Variants in ADAM32 observed in about 807,000 individuals in gnomAD.
ADAM32 encodes disintegrin and metalloproteinase domain-containing protein 32.
ADAM32 carries 89 observed loss-of-function variants against 114.9 expected under a neutral mutation model. The ratio of observed to expected loss-of-function variants is 0.77; its 90% CI spans 0.65 to 0.92. ADAM32 has a LOEUF of 0.92. ADAM32 is among the 40% of genes least tolerant of loss of function. ADAM32 has a pLI of 0.00. For synonymous variants in ADAM32, 285 were observed against 307.5 expected, an observed-to-expected ratio of 0.93 and a Z score of 0.77; for missense variants, 870 against 932.8, an observed-to-expected ratio of 0.93 and a Z score of 0.88.
chr8:39,232,029 T>C lies in ADAM32; in HGVS notation c.1528T>C (p.Ser510Pro). 6.2e-7 allele frequency: 1 copy of C among 1,607,972 alleles called. No homozygotes were observed. The highest frequency in any genetic ancestry group is 2.2e-5 in the East Asian group (1 of 44,752). ...ARCESVFGKG[S>P]RNAPFACYEE... The stretch of plus-strand genomic sequence containing the variant: ...AAATGTATTTCTAACTTTAACAGGT[T>C]CAAGAAATGCTCCATTTGCCTGCTA... The change falls in exon 15 of 25, where the codon TCA becomes CCA. Residue 510 changes from serine (S) to proline (P), a missense_variant and splice_region_variant. By Grantham distance (74) the Ser-to-Pro change is moderately conservative (BLOSUM62 -1). Coordinates refer to ENST00000379907, the MANE Select transcript of ADAM32 (RefSeq NM_145004.7).
At chr8:39,283,802 C>G (rs1033118849) in intron 24 of ADAM32, among the ~76,000 whole-genome samples, 178 bp downstream of exon 24, 12 of 123,544 alleles carry the variant, frequency 9.7e-5, no homozygotes, top group Non-Finnish European at 1.6e-4. Context: ...AAGACAGAGT[C>G]TTGCTCTGTC....
intron 17 of ADAM32, among the ~76,000 whole-genome samples, chr8:39,252,733 A>G (rs1259546927): frequency 3.3e-5 from 5 of 151,632 alleles, no homozygotes; most frequent in African/African-American, 1.2e-4. Context: ...GAAGGAGCAG[A>G]TATTACAACT....
intron 19 of ADAM32, among the ~76,000 whole-genome samples, chr8:39,266,898 T>A (rs1340089805): frequency 6.6e-6 from 1 of 152,192 alleles, no homozygotes; most frequent in African/African-American, 2.4e-5. Flanking sequence ...TGGCTTCATT[T>A]CTGGATGCTT....
chr8:39,257,418 G>A, intron 19 of ADAM32, 75 bp downstream of exon 19: 1 of 1,512,694 alleles, frequency 6.6e-7, no homozygotes. Context: ...AATATCACGA[G>A]CAGTAGCAAT....
rs113848500 is a variant in ADAM32 at position 39,241,975 on chromosome 8, C to T, written c.1819-4108C>T. Among the ~76,000 whole-genome samples, 13 of 152,282 alleles carry T rather than the reference C, an allele frequency of 8.5e-5. 1 individual carries two copies. The highest frequency in any genetic ancestry group is 2.4e-4 in the African/African-American group (10 of 41,552). On this transcript the variant is annotated intron_variant, in intron 16 of 24. Coordinates refer to ENST00000379907, the MANE Select transcript of ADAM32 (RefSeq NM_145004.7). ...TTAAAACTGAATGCCTTTAATAGCACCCAAGTCACCTCTTGAATGCTTTGC... is the reference window on the plus strand; with the variant it reads ...TTAAAACTGAATGCCTTTAATAGCATCCAAGTCACCTCTTGAATGCTTTGC...
At chr8:39,243,865 GATC>G (rs1810724663) in intron 16 of ADAM32, among the ~76,000 whole-genome samples, 1 of 151,992 alleles carries the variant, frequency 6.6e-6, no homozygotes, top group Non-Finnish European at 1.5e-5. Context: ...CCAATGATAT[GATC>G]ATATACCTTG....
chr8:39,140,543 G>A (rs993024259), intron 3 of ADAM32, among the ~76,000 whole-genome samples: 2 of 152,178 alleles, frequency 1.3e-5, no homozygotes, highest in Non-Finnish European at 2.9e-5. Flanking sequence ...TGTGCTGCTG[G>A]ATTCAGTTTG....
chr8:39,114,149 C>G (rs976495855), intron 1 of ADAM32, among the ~76,000 whole-genome samples: 2 of 152,190 alleles, frequency 1.3e-5, no homozygotes, highest in African/African-American at 4.8e-5. Context: ...AGTCCCTATT[C>G]TGATCAATGG....
At chr8:39,195,786 C>G (rs1224844377) in intron 11 of ADAM32, among the ~76,000 whole-genome samples, 1 of 152,108 alleles carries the variant, frequency 6.6e-6, no homozygotes, top group Non-Finnish European at 1.5e-5. Context: ...CAATACTGTT[C>G]TGAATTTATT....
chr8:39,208,879 G>A (rs899645234), intron 11 of ADAM32, among the ~76,000 whole-genome samples: 10 of 151,782 alleles, frequency 6.6e-5, no homozygotes, highest in East Asian at 3.9e-4. Flanking sequence ...GTTTTATTTC[G>A]GTTGACTCTT....
At chr8:39,236,626 G>A (rs962662818) in intron 16 of ADAM32, among the ~76,000 whole-genome samples, 5 of 152,108 alleles carry the variant, frequency 3.3e-5, no homozygotes, top group Middle Eastern at 3.4e-3. Flanking sequence ...ACATCAGCGT[G>A]GTACATTTGT....
intron 6 of ADAM32, 105 bp from the exon 7 acceptor site, chr8:39,160,792 C>G (rs973863110): frequency 2.1e-6 from 2 of 972,312 alleles, no homozygotes; most frequent in Non-Finnish European, 3.0e-6. Context: ...AAAGCAAACA[C>G]CTCTGCATAT....
intron 20 of ADAM32, among the ~76,000 whole-genome samples, chr8:39,273,343 TAAAAATAC>T (rs1246251826): frequency 2.6e-5 from 4 of 151,704 alleles, no homozygotes; most frequent in Non-Finnish European, 5.9e-5. Flanking sequence ...CCGTCTCTAC[TAAAAATAC>T]AAAAATAAAT....
chr8:39,281,396 G>A (rs1585717998), intron 23 of ADAM32, among the ~76,000 whole-genome samples: 1 of 152,012 alleles, frequency 6.6e-6, no homozygotes, highest in African/African-American at 2.4e-5. Flanking sequence ...GCCTACTCTT[G>A]TGGTACATAA....
chr8:39,229,141 C>T lies in ADAM32; in HGVS notation c.1526-2886C>T, dbSNP rs989560403. Among the ~76,000 whole-genome samples the T allele has an allele frequency of 6.6e-5, 10 of 152,146 alleles. No individual in the cohort carries two copies. In the South Asian group the frequency reaches 8.3e-4, roughly 13 times the overall value. On this transcript the variant is annotated intron_variant, in intron 14 of 24. Coordinates refer to ENST00000379907, the MANE Select transcript of ADAM32 (RefSeq NM_145004.7). ...CAGACACACAAATGCTGAGAGAATT[C>T]GCCATTACCAAGCCACCACTACAAG...
chr8:39,198,308 T>C (rs994526297), intron 11 of ADAM32, among the ~76,000 whole-genome samples: 1 of 152,222 alleles, frequency 6.6e-6, no homozygotes, highest in African/African-American at 2.4e-5. Context: ...TTGATATTGT[T>C]ATTAATAAAT....
intron 12 of ADAM32, among the ~76,000 whole-genome samples, chr8:39,211,886 T>A (rs1808245897): frequency 6.6e-6 from 1 of 152,198 alleles, no homozygotes. Flanking sequence ...AGACAGAAAT[T>A]TATTAGGGTC....
intron 16 of ADAM32, among the ~76,000 whole-genome samples, chr8:39,244,515 C>T (rs1810767439): frequency 6.6e-6 from 1 of 152,180 alleles, no homozygotes; most frequent in African/African-American, 2.4e-5. Flanking sequence ...GTCAACTGAT[C>T]TTTGACAAAG....
chr8:39,256,083 CTG>C (rs1233121760), intron 18 of ADAM32, among the ~76,000 whole-genome samples: 2 of 151,824 alleles, frequency 1.3e-5, no homozygotes, highest in Non-Finnish European at 2.9e-5. Flanking sequence ...CCATTGGTCT[CTG>C]TGTCTATTTT....
Sources: gnomAD v4.1 joint callset for allele counts (sites outside exome capture counted in the v4.1 genomes callset) on GRCh38, gnomAD v4.1.1 for gene constraint, MANE v1.5 for transcripts, NCBI Gene and HGNC (gene_info 2026-07-23, HGNC 2026-07-21) for gene names.